PSPC1: variants seen among roughly 807,000 people sequenced by gnomAD.
PSPC1 encodes paraspeckle component 1, also known as paraspeckle protein 1.
Under a neutral mutation model 51.6 loss-of-function variants are expected in PSPC1, and 14 were observed. The ratio of observed to expected loss-of-function variants is 0.27; its 90% CI spans 0.18 to 0.42. The LOEUF is 0.42. Ranked by LOEUF, PSPC1 falls within the 10% of genes least tolerant of loss-of-function variation. PSPC1 has a pLI of 1.00. For missense variants in PSPC1, 406 were observed against 701.1 expected (o/e 0.58, Z 4.75); for synonymous variants, 193 against 231.9 (o/e 0.83, Z 1.53).
At chr13:19,735,138 C>A (rs1049521400) in intron 5 of PSPC1, among the ~76,000 whole-genome samples, 2 of 151,926 alleles carry the variant, frequency 1.3e-5, no homozygotes, top group East Asian at 3.9e-4. Flanking sequence ...ATGGTAAAAC[C>A]ACGTCTCGAC....
chr13:19,744,001 A>C (rs1401064869), intron 4 of PSPC1, among the ~76,000 whole-genome samples: 2 of 152,130 alleles, frequency 1.3e-5, no homozygotes, highest in African/African-American at 4.8e-5. Flanking sequence ...AGAGCTACTC[A>C]GGAGGCTTAG....
chr13:19,720,790 A>C (rs1593615494), intron 6 of PSPC1, among the ~76,000 whole-genome samples: 1 of 152,190 alleles, frequency 6.6e-6, no homozygotes, highest in South Asian at 2.1e-4. Context: ...ATAGTGCACA[A>C]TATAGTATAA....
intron 5 of PSPC1, among the ~76,000 whole-genome samples, chr13:19,734,759 A>C (rs903489760): frequency 1.3e-5 from 2 of 152,000 alleles, no homozygotes; most frequent in Admixed American, 6.6e-5. Flanking sequence ...TCAAGATTGC[A>C]CCACTGTACT....
At chr13:19,671,222 A>T, downstream of PSPC1, 8 of 1,613,816 alleles carry the variant, frequency 5.0e-6, no homozygotes, top group Non-Finnish European at 6.8e-6. Context: ...CATTTTGTTT[A>T]CTCATTCAGC....
At chr13:19,711,828 G>C (rs1459355883) in intron 6 of PSPC1, among the ~76,000 whole-genome samples, 1 of 148,128 alleles carries the variant, frequency 6.8e-6, no homozygotes, top group Non-Finnish European at 1.5e-5. Flanking sequence ...TGGGTAACAA[G>C]AGCAAAACTC....
At chr13:19,765,344 A>ATTATTATT (rs1555248075) in intron 2 of PSPC1, among the ~76,000 whole-genome samples, 245 of 141,360 alleles carry the variant, frequency 1.7e-3, no homozygotes, top group African/African-American at 6.2e-3. Flanking sequence ...TAATAATAAT[A>ATTATTATT]ATTATTATTA....
chr13:19,698,058 G>C (rs572500983), downstream of PSPC1, among the ~76,000 whole-genome samples: 67 of 152,164 alleles, frequency 4.4e-4, no homozygotes, highest in African/African-American at 1.5e-3. Context: ...AAGCCTGGTT[G>C]ATTGACAAAC....
chr13:19,723,905 T>C (rs1465192828), intron 6 of PSPC1, among the ~76,000 whole-genome samples: 1 of 152,214 alleles, frequency 6.6e-6, no homozygotes, highest in Non-Finnish European at 1.5e-5. Flanking sequence ...TCTGTTATTA[T>C]CCATTTTGAT....
intron 2 of PSPC1, among the ~76,000 whole-genome samples, chr13:19,760,731 G>A (rs1266383824): frequency 1.3e-5 from 2 of 152,078 alleles, no homozygotes; most frequent in East Asian, 1.9e-4. Context: ...GCTCACGCCT[G>A]TAATCCCAGC....
intron 6 of PSPC1, among the ~76,000 whole-genome samples, chr13:19,711,686 C>CA (rs1353685150): frequency 1.2e-4 from 14 of 113,168 alleles, no homozygotes; most frequent in Non-Finnish European, 2.7e-4. Context: ...ACTAATAATA[C>CA]AAAAAAATTA....
At chr13:19,714,211 G>C (rs1322218023) in intron 6 of PSPC1, among the ~76,000 whole-genome samples, 1 of 152,174 alleles carries the variant, frequency 6.6e-6, no homozygotes, top group Non-Finnish European at 1.5e-5. Flanking sequence ...TTAAGAAAAA[G>C]CATTCATAAT....
At chr13:19,712,953 C>T (rs934988091) in intron 6 of PSPC1, among the ~76,000 whole-genome samples, 1 of 152,070 alleles carries the variant, frequency 6.6e-6, no homozygotes, top group African/African-American at 2.4e-5. Flanking sequence ...CCGCTACAAA[C>T]TTCTAGTAAA....
chr13:19,705,555 T>C (rs1433629668), intron 8 of PSPC1, 107 bp downstream of exon 8: 23 of 782,986 alleles, frequency 2.9e-5, no homozygotes, highest in African/African-American at 5.3e-5. Flanking sequence ...TTCTTCTTCA[T>C]TGGCTGCCAA....
chr13:19,776,527 T>G lies in PSPC1; in HGVS notation c.373-3984A>C, dbSNP rs1889142920. ...CTTTACTATATGCAAATTTTTTTTT[T>G]TTTGAGATGGAGTCTCACTCTGTCA... On this transcript the variant is annotated intron_variant, in intron 1 of 8. Coordinates refer to ENST00000338910, the MANE Select transcript of PSPC1 (RefSeq NM_001354909.2). 2.0e-5 allele frequency among the ~76,000 whole-genome samples: 3 copies of G among 151,968 alleles called. No individual in the cohort carries two copies. In the South Asian group the frequency reaches 6.2e-4, roughly 32 times the overall value.
intron 2 of PSPC1, among the ~76,000 whole-genome samples, chr13:19,765,918 T>C (rs1888025982): frequency 6.6e-6 from 1 of 152,174 alleles, no homozygotes; most frequent in South Asian, 2.1e-4. Flanking sequence ...TTAAAGAATT[T>C]TTTTTGTCTA....
At chr13:19,778,039 C>A (rs1889359993) in intron 1 of PSPC1, among the ~76,000 whole-genome samples, 1 of 151,962 alleles carries the variant, frequency 6.6e-6, no homozygotes, top group Non-Finnish European at 1.5e-5. Context: ...GTCAATAGGT[C>A]AAGACCATCC....
rs546583892 is a variant in PSPC1, at chr13:19,740,878, CTTT to C, written c.1052+684_1052+686del. ...TAACACGGAGTCAACTTCCAGAAAT[CTTT>C]TTTTTTTTTTTGAGATGGAGTCTCA... On this transcript the variant is annotated intron_variant, in intron 5 of 8. Coordinates refer to ENST00000338910, the MANE Select transcript of PSPC1 (RefSeq NM_001354909.2). 6.3e-5 allele frequency among the ~76,000 whole-genome samples: 9 copies of C among 143,832 alleles called. 1 individual carries two copies. Among genetic ancestry groups the C allele is most frequent in the African/African-American group, 2.0e-4 (8 of 39,378 alleles). 94.4% of individuals were successfully genotyped at this position (143,832 alleles called of 152,430 possible).
At chr13:19,748,683 A>T (rs1886238997) in intron 4 of PSPC1, among the ~76,000 whole-genome samples, 1 of 151,504 alleles carries the variant, frequency 6.6e-6, no homozygotes, top group African/African-American at 2.4e-5. Context: ...CATCAACACA[A>T]ATCTTTAGTA....
chr13:19,676,649 T>C (rs1876670562), intron 7 of PSPC1, among the ~76,000 whole-genome samples: 1 of 152,156 alleles, frequency 6.6e-6, no homozygotes, highest in Non-Finnish European at 1.5e-5. Context: ...GACACTTCAT[T>C]TCCAAGAAGC....
Sources: allele counts gnomAD v4.1 joint callset (sites outside exome capture counted in the v4.1 genomes callset), GRCh38; gene constraint gnomAD v4.1.1; transcripts MANE v1.5; gene names NCBI Gene and HGNC (gene_info 2026-07-23, HGNC 2026-07-21).